GON4L: variants seen among roughly 807,000 people sequenced by gnomAD.
GON4L encodes the protein gon-4 like.
GON4L carries 87 observed loss-of-function variants against 211.8 expected under a neutral mutation model. The ratio of observed to expected loss-of-function variants is 0.41; its 90% CI spans 0.35 to 0.49. The LOEUF (loss-of-function observed/expected upper bound fraction) is 0.49. Among genes scored for constraint, GON4L ranks in the 20% least tolerant of loss-of-function variants. GON4L has a pLI of 0.15. For synonymous variants in GON4L, 875 were observed against 962.6 expected, an observed-to-expected ratio of 0.91 and a Z score of 1.68; for missense variants, 2,155 against 2,659.5, an observed-to-expected ratio of 0.81 and a Z score of 4.17.
chr1:155,851,936 A>G (rs745366949), intron 2 of GON4L, among the ~76,000 whole-genome samples: 54 of 151,906 alleles, frequency 3.6e-4, no homozygotes, highest in Non-Finnish European at 7.4e-4. Context: ...AGGCCAAGGT[A>G]CGTGGATCAC....
chr1:155,849,467 C>T (rs1289727643), intron 2 of GON4L, among the ~76,000 whole-genome samples: 1 of 150,834 alleles, frequency 6.6e-6, no homozygotes, highest in Admixed American at 6.6e-5. Context: ...TGGCGTGAAC[C>T]CAGGAGGTGA....
chr1:155,839,523 G>T (rs868270856), intron 2 of GON4L, among the ~76,000 whole-genome samples: 1 of 151,948 alleles, frequency 6.6e-6, no homozygotes, highest in African/African-American at 2.4e-5. Context: ...GGTGGCACAC[G>T]CCTGTTAATT....
intron 11 of GON4L, among the ~76,000 whole-genome samples, chr1:155,800,850 GAA>G (rs751271183): frequency 1.4e-4 from 7 of 49,034 alleles, no homozygotes; most frequent in African/African-American, 2.7e-4. Context: ...CTCTGTCTCA[GAA>G]AAAAAAAAAA....
At chr1:155,811,784 G>C (rs1431937898) in intron 10 of GON4L, among the ~76,000 whole-genome samples, 1 of 114,420 alleles carries the variant, frequency 8.7e-6, no homozygotes, top group Non-Finnish European at 1.8e-5. Flanking sequence ...AAAAAAGAAG[G>C]CTGGGCGCGG....
At chr1:155,799,521 A>G (rs183542933) in intron 11 of GON4L, among the ~76,000 whole-genome samples, 194 of 152,154 alleles carry the variant, frequency 1.3e-3, no homozygotes, top group African/African-American at 4.2e-3. Flanking sequence ...TCCCCAATCA[A>G]CCTTTATCAT....
rs1486661659 is a variant in GON4L at position 155,822,414 on chromosome 1, G to A, written c.760C>T (p.Arg254Ter). Residue 254 changes from arginine (R) to a stop codon, truncating the protein, a stop_gained, in exon 4 of 32, where the codon CGA becomes TGA. Coordinates refer to ENST00000368331, the MANE Select transcript of GON4L (RefSeq NM_001282860.2). LOFTEE classifies it high-confidence loss of function. Reference protein sequence around the residue: ...RKKKKGTKRKRDGRGQEGTLA... With the variant: ...RKKKKGTKRK The stretch of plus-strand genomic sequence containing the variant: ...GTCCCTTCTTGACCCCTTCCATCTC[G>A]TTTCCTCTTGGTACCCTTTTTCTTT... The A allele has an allele frequency of 1.2e-6, 2 of 1,613,534 alleles. No homozygotes were observed. The highest frequency in any genetic ancestry group is 1.3e-5 in the African/African-American group (1 of 74,852).
intron 18 of GON4L, among the ~76,000 whole-genome samples, chr1:155,772,290 T>C (rs1050844987): frequency 3.3e-5 from 5 of 152,010 alleles, no homozygotes; most frequent in Non-Finnish European, 5.9e-5. Context: ...TCAAAGAGAA[T>C]AGAAAGGAAG....
At chr1:155,832,279 CAAAAAAAAAAA>C (rs71080731) in intron 2 of GON4L, among the ~76,000 whole-genome samples, 8 of 57,368 alleles carry the variant, frequency 1.4e-4, no homozygotes, top group African/African-American at 2.1e-4. Flanking sequence ...GACTCCGTCT[CAAAAAAAAAAA>C]AAAAAAAAAA....
At position 155,757,249 on chromosome 1, in the gene GON4L, G is replaced by A. The variant is rs768751862; in HGVS notation, c.5328C>T (p.His1776=). 2.5e-6 allele frequency: 4 copies of A among 1,613,974 alleles called. No individual in the cohort carries two copies. The highest frequency in any genetic ancestry group is 2.5e-6 in the Non-Finnish European group (3 of 1,179,856). The change falls in exon 26 of 32, where the codon CAC becomes CAT. Residue 1776 remains histidine (H), a synonymous_variant. Coordinates refer to ENST00000368331, the MANE Select transcript of GON4L (RefSeq NM_001282860.2). ...CCATCCGGCTAGCTGCTGGGCGCAAGTGGTCAAAGAAGATAGAAAACTCAT... is the reference window on the plus strand; with the variant it reads ...CCATCCGGCTAGCTGCTGGGCGCAAATGGTCAAAGAAGATAGAAAACTCAT... The part of the protein sequence containing the change: ...LQDEFSIFFD[H]LRPAASRMGD...
At chr1:155,844,906 T>C (rs1671087769) in intron 2 of GON4L, among the ~76,000 whole-genome samples, 1 of 152,220 alleles carries the variant, frequency 6.6e-6, no homozygotes, top group Admixed American at 6.5e-5. Context: ...TCTTCTAGAT[T>C]GCAACAATTT....
chr1:155,857,692 G>C (rs532091890), upstream of GON4L, among the ~76,000 whole-genome samples: 22 of 151,582 alleles, frequency 1.5e-4, no homozygotes, highest in Non-Finnish European at 2.6e-4. Flanking sequence ...TCGTGCCACT[G>C]CACTCCAACC....
At chr1:155,824,382 C>T (rs1304688369) in intron 3 of GON4L, among the ~76,000 whole-genome samples, 8 of 139,752 alleles carry the variant, frequency 5.7e-5, no homozygotes, top group African/African-American at 1.6e-4. Flanking sequence ...TGCAGTGAGC[C>T]GAGATTGCAC....
At chr1:155,785,599 C>A (rs557206124) in intron 12 of GON4L, among the ~76,000 whole-genome samples, 1 of 152,262 alleles carries the variant, frequency 6.6e-6, no homozygotes, top group Non-Finnish European at 1.5e-5. Context: ...AATCGCTCCT[C>A]CCACCTCAGC....
chr1:155,748,180 G>C (rs1660330922), downstream of GON4L: 1 of 1,495,926 alleles, frequency 6.7e-7, no homozygotes. Flanking sequence ...GCCTCCTCAT[G>C]CTCCCAGTCA....
In GON4L at chr1:155,821,482, G is replaced by T; in HGVS notation, c.955C>A (p.Pro319Thr). 1.3e-6 allele frequency: 2 copies of T among 1,575,100 alleles called. No homozygotes were observed. Among genetic ancestry groups the T allele is most frequent in the Non-Finnish European group, 1.7e-6 (2 of 1,144,636 alleles). ...KAAISETEDM[P>T]MFEPKMTRSK... ...GATAATCAACTACTCACAAACATTG[G>T]CATATCTTCCGTCTCACTGATGGCT... is the stretch of plus-strand genomic sequence containing the variant. Residue 319 changes from proline (P) to threonine (T), a missense_variant, in exon 5 of 32, where the codon CCA becomes ACA. Pro to Thr is a conservative substitution (Grantham distance 38, BLOSUM62 -1). Transcript: ENST00000368331.
In GON4L at chr1:155,762,665, T is replaced by G. The variant is rs111282231; in HGVS notation, c.4727-291A>C. Reference sequence around the variant, plus strand: ...GTAGTGCTTTTGAGAGACTATGTCTTGATGAGGAACAAGCAGTGTTTTCTG... The same window carrying G: ...GTAGTGCTTTTGAGAGACTATGTCTGGATGAGGAACAAGCAGTGTTTTCTG... On this transcript the variant is annotated intron_variant, in intron 22 of 31. Coordinates refer to ENST00000368331, the MANE Select transcript of GON4L (RefSeq NM_001282860.2). Among the ~76,000 whole-genome samples the G allele has an allele frequency of 5.6e-3, 855 of 152,300 alleles. 8 individuals are homozygous for G. The highest frequency in any genetic ancestry group is 0.019 in the African/African-American group (808 of 41,550).
At chr1:155,827,081 T>C (rs1330280321) in intron 2 of GON4L, 53 bp from the exon 3 acceptor site, 1 of 1,313,960 alleles carries the variant, frequency 7.6e-7, no homozygotes, top group African/African-American at 1.4e-5. Context: ...AGTCATACTC[T>C]GTTGTAGAAT....
chr1:155,792,184 C>T (rs530800549), intron 12 of GON4L, among the ~76,000 whole-genome samples: 10 of 152,154 alleles, frequency 6.6e-5, no homozygotes, highest in South Asian at 2.1e-4. Context: ...AATTCTCAAG[C>T]GGGCAAAAAA....
Position 155,754,387 on chromosome 1 carries a change from G to C in GON4L, c.5619C>G (p.His1873Gln). The change falls in exon 28 of 32, where the codon CAC becomes CAG. Residue 1873 changes from histidine (H) to glutamine (Q), a missense_variant. This residue lies in a region of GON4L where 455 missense variants were observed against 504.6 expected (regional missense o/e 0.90). Transcript: ENST00000368331. ...LKKSKRRSCS[H>Q]CSSKVCDSKS... Reference sequence around the variant, plus strand: ...ATACTTTCCTCACCTTGCTGCTACAGTGGCTACAGCTCCGCCTTTTGCTCT... The same window carrying C: ...ATACTTTCCTCACCTTGCTGCTACACTGGCTACAGCTCCGCCTTTTGCTCT... 6.2e-7 allele frequency: 1 copy of C among 1,604,798 alleles called. No homozygotes were observed. The highest frequency in any genetic ancestry group is 1.1e-5 in the South Asian group (1 of 90,904).
Sources: gnomAD v4.1 joint callset for allele counts (sites outside exome capture counted in the v4.1 genomes callset) on GRCh38, gnomAD v4.1.1 for gene constraint, gnomAD v4.1.1 regional missense constraint, MANE v1.5 for transcripts, NCBI Gene and HGNC (gene_info 2026-07-23, HGNC 2026-07-21) for gene names.